RORB: variants seen among roughly 807,000 people sequenced by gnomAD.
RORB encodes nuclear receptor ROR-beta.
In RORB, 6 loss-of-function variants were observed where a neutral mutation model predicts 59.1. That is an observed-to-expected ratio of 0.10 (90% CI 0.06 to 0.20). The LOEUF (loss-of-function observed/expected upper bound fraction) is 0.20. Among genes scored for constraint, RORB ranks in the 10% least tolerant of loss-of-function variants. RORB has a pLI of 1.00. For missense variants in RORB, 320 were observed against 560.5 expected (o/e 0.57, Z 4.33); for synonymous variants, 215 against 204.5 (o/e 1.05, Z -0.44).
chr9:74,640,433 CTGTGTGTGTGTG>C (rs71368671), intron 3 of RORB, among the ~76,000 whole-genome samples: 2 of 148,330 alleles, frequency 1.3e-5, no homozygotes, highest in South Asian at 2.2e-4. Flanking sequence ...TCGGCTAATT[CTGTGTGTGTGTG>C]TGTGTGTGTG....
intron 1 of RORB, among the ~76,000 whole-genome samples, chr9:74,609,559 C>T (rs1299625346): frequency 6.6e-6 from 1 of 152,160 alleles, no homozygotes; most frequent in Non-Finnish European, 1.5e-5. Flanking sequence ...TATCAATAAA[C>T]ATACAATTGA....
At chr9:74,595,592 G>A (rs1822958201) in intron 1 of RORB, among the ~76,000 whole-genome samples, 1 of 152,184 alleles carries the variant, frequency 6.6e-6, no homozygotes, top group Admixed American at 6.5e-5. Flanking sequence ...TTCAGGTGGA[G>A]CAATTGAAAA....
chr9:74,549,256 G>T (rs1020946863), intron 1 of RORB, among the ~76,000 whole-genome samples: 5 of 151,950 alleles, frequency 3.3e-5, no homozygotes, highest in Non-Finnish European at 4.4e-5. Flanking sequence ...GACCAGCCTG[G>T]CTAACACGGT....
At chr9:74,565,070 G>A (rs183188055) in intron 1 of RORB, among the ~76,000 whole-genome samples, 25 of 152,278 alleles carry the variant, frequency 1.6e-4, no homozygotes, top group African/African-American at 5.1e-4. Context: ...AAGAAAACAA[G>A]CATCTCTTTA....
At chr9:74,658,238 G>A (rs1041126306) in intron 4 of RORB, among the ~76,000 whole-genome samples, 1 of 152,042 alleles carries the variant, frequency 6.6e-6, no homozygotes, top group Admixed American at 6.5e-5. Context: ...TGGAACAAGG[G>A]CTCAATTGAG....
chr9:74,625,895 C>T (rs1225756877), intron 1 of RORB, among the ~76,000 whole-genome samples: 1 of 152,096 alleles, frequency 6.6e-6, no homozygotes, highest in Non-Finnish European at 1.5e-5. Flanking sequence ...CCAGAACGTA[C>T]GTGAAAAGTC....
rs397727300 is a variant in RORB at position 74,538,741 on chromosome 9, A to AC, written c.7+40759dup. On this transcript the variant is annotated intron_variant, in intron 1 of 9. Coordinates refer to ENST00000376896, the MANE Select transcript of RORB (RefSeq NM_006914.4). ...AAGACAAAGATGCAAAAAAAAAAAA[A>AC]CAGAATTAAAAGGAAGGGTTAAATA... Among the ~76,000 whole-genome samples the AC allele has an allele frequency of 1.9e-4, 29 of 151,776 alleles. No homozygotes were observed. In the South Asian group the frequency reaches 5.6e-3, roughly 29 times the overall value.
chr9:74,542,802 T>C lies in RORB; in HGVS notation c.7+44819T>C, dbSNP rs188006826. ...CATTTCTCAATCTTGTTTCTCAGGG[T>C]CTACTTAAAAGGTAGTGGGGTATTG... On this transcript the variant is annotated intron_variant, in intron 1 of 9. Coordinates refer to ENST00000376896, the MANE Select transcript of RORB (RefSeq NM_006914.4). Among the ~76,000 whole-genome samples the C allele has an allele frequency of 7.9e-5, 12 of 152,268 alleles. No homozygotes were observed. The East Asian group carries it at 2.3e-3, about 29-fold the overall frequency.
intron 1 of RORB, among the ~76,000 whole-genome samples, chr9:74,618,486 G>C (rs1814241090): frequency 6.6e-6 from 1 of 152,004 alleles, no homozygotes; most frequent in African/African-American, 2.4e-5. Context: ...ATTGAAATTG[G>C]TTCTGATCAC....
chr9:74,506,151 G>A (rs944958878), intron 1 of RORB, among the ~76,000 whole-genome samples: 4 of 151,766 alleles, frequency 2.6e-5, no homozygotes, highest in South Asian at 2.1e-4. Context: ...ATCTGCTCTA[G>A]AGAGTACCTT....
chr9:74,664,251 C>T (rs1332393752), intron 6 of RORB, among the ~76,000 whole-genome samples: 1 of 152,186 alleles, frequency 6.6e-6, no homozygotes, highest in Non-Finnish European at 1.5e-5. Context: ...GAGACATGGG[C>T]ACCATGAGTC....
At chr9:74,680,914 G>GA (rs1182536605) in intron 9 of RORB, among the ~76,000 whole-genome samples, 1 of 151,986 alleles carries the variant, frequency 6.6e-6, no homozygotes, top group African/African-American at 2.4e-5. Context: ...ATAAAATTGT[G>GA]AATTTTCTCA....
intron 4 of RORB, among the ~76,000 whole-genome samples, chr9:74,654,075 A>G (rs1171229076): frequency 6.6e-6 from 1 of 152,116 alleles, no homozygotes; most frequent in Non-Finnish European, 1.5e-5. Context: ...TGTGTGGATC[A>G]ATATGTAAGA....
At chr9:74,670,387 A>G (rs1254915182) in intron 8 of RORB, among the ~76,000 whole-genome samples, 1 of 152,230 alleles carries the variant, frequency 6.6e-6, no homozygotes, top group Non-Finnish European at 1.5e-5. Flanking sequence ...TATTTAAGAC[A>G]TGAAATATTA....
intron 1 of RORB, among the ~76,000 whole-genome samples, chr9:74,625,877 A>G (rs184901054): frequency 1.2e-4 from 19 of 152,316 alleles, no homozygotes; most frequent in African/African-American, 4.3e-4. Context: ...TAAAAATGTT[A>G]CCTCCAACCA....
In RORB at chr9:74,685,778, T is replaced by A. The variant is rs1824630768; in HGVS notation, c.*160T>A. 4.3e-6 allele frequency: 2 copies of A among 459,806 alleles called. No individual in the cohort carries two copies. Among genetic ancestry groups the A allele is most frequent in the East Asian group, 6.8e-5 (2 of 29,312 alleles). The allele number at this position is 459,806 out of a possible 1,614,324, so 28.5% of individuals were successfully genotyped here. On this transcript the variant is annotated 3_prime_UTR_variant, in exon 10 of 10. Coordinates refer to ENST00000376896, the MANE Select transcript of RORB (RefSeq NM_006914.4). The stretch of plus-strand genomic sequence containing the variant: ...ACCGCTACAGTTTGAAGAATGTAAA[T>A]ATGCACCTGAGTGGGGCTCTTTTAT...
intron 1 of RORB, among the ~76,000 whole-genome samples, chr9:74,625,851 A>G (rs1823503227): frequency 6.6e-6 from 1 of 152,216 alleles, no homozygotes; most frequent in African/African-American, 2.4e-5. Context: ...ATTGAGAGCC[A>G]TAAGAACAAA....
chr9:74,674,820 G>A (rs530049064), intron 9 of RORB, among the ~76,000 whole-genome samples: 6 of 152,232 alleles, frequency 3.9e-5, no homozygotes, highest in African/African-American at 1.4e-4. Context: ...ATGATACATA[G>A]CGTATTTATA....
intron 4 of RORB, among the ~76,000 whole-genome samples, chr9:74,648,379 G>C (rs1420771275): frequency 6.6e-6 from 1 of 152,152 alleles, no homozygotes; most frequent in Non-Finnish European, 1.5e-5. Flanking sequence ...CTCACCATCT[G>C]AAAAATAAGA....
Sources: allele counts gnomAD v4.1 joint callset (sites outside exome capture counted in the v4.1 genomes callset), GRCh38; gene constraint gnomAD v4.1.1; transcripts MANE v1.5; gene names NCBI Gene and HGNC (gene_info 2026-07-23, HGNC 2026-07-21).